Variants in THSD7A observed in about 807,000 individuals in gnomAD.
THSD7A encodes thrombospondin type-1 domain-containing protein 7A.
Under a neutral mutation model 231.3 loss-of-function variants are expected in THSD7A, and 96 were observed. That is an observed-to-expected ratio of 0.41 (90% CI 0.35 to 0.49). THSD7A has a LOEUF of 0.49. Among genes scored for constraint, THSD7A ranks in the 20% least tolerant of loss-of-function variants. The pLI is 0.05. For synonymous variants in THSD7A, 940 were observed against 743.3 expected (o/e 1.26, Z -4.30); for missense variants, 2,290 against 2,070.2 (o/e 1.11, Z -2.06).
chr7:11,371,789 T>C lies in THSD7A; in HGVS notation c.*4005A>G, dbSNP rs941118009. The C allele has an allele frequency of 7.2e-5, 11 of 151,870 alleles. No homozygotes were observed. The highest frequency in any genetic ancestry group is 2.7e-4 in the African/African-American group (11 of 41,326). 9.4% of individuals were successfully genotyped at this position (151,870 alleles called of 1,614,324 possible). The stretch of plus-strand genomic sequence containing the variant: ...TGCATGCCTTCCACATTTTTCCTTT[T>C]CCCTTTATTCATTTCTTTGACCAGT... On this transcript the variant is annotated 3_prime_UTR_variant, in exon 28 of 28. Transcript: ENST00000423059.
intron 1 of THSD7A, among the ~76,000 whole-genome samples, chr7:11,653,919 T>G: frequency 6.6e-6 from 1 of 151,960 alleles, no homozygotes; most frequent in Admixed American, 6.6e-5. Flanking sequence ...TCACTTGAAT[T>G]AATAGTTTAT....
chr7:11,480,547 G>A (rs1209768886), intron 7 of THSD7A, among the ~76,000 whole-genome samples: 3 of 152,058 alleles, frequency 2.0e-5, no homozygotes, highest in African/African-American at 4.8e-5. Flanking sequence ...TTTGTAAAAG[G>A]TTGTATTTTT....
At chr7:11,470,349 T>C (rs1035985598) in intron 8 of THSD7A, among the ~76,000 whole-genome samples, 9 of 152,062 alleles carry the variant, frequency 5.9e-5, no homozygotes, top group African/African-American at 2.2e-4. Context: ...AAATTATTAA[T>C]TTAAGGATCT....
intron 1 of THSD7A, among the ~76,000 whole-genome samples, chr7:11,651,261 G>A (rs906875593): frequency 6.6e-6 from 1 of 151,978 alleles, no homozygotes; most frequent in East Asian, 1.9e-4. Context: ...AGATAGAGTG[G>A]TGGTTATGAG....
At chr7:11,468,279 G>A (rs1785789674) in intron 9 of THSD7A, among the ~76,000 whole-genome samples, 1 of 150,968 alleles carries the variant, frequency 6.6e-6, no homozygotes. Flanking sequence ...CTTTTTAATT[G>A]AATTAATTAA....
At chr7:11,571,400 C>T (rs1028936642) in intron 4 of THSD7A, among the ~76,000 whole-genome samples, 1 of 152,210 alleles carries the variant, frequency 6.6e-6, no homozygotes, top group African/African-American at 2.4e-5. Context: ...AATTTCATCT[C>T]ATACTTCTTG....
intron 13 of THSD7A, among the ~76,000 whole-genome samples, chr7:11,445,576 AG>A (rs1175874090): frequency 6.6e-6 from 1 of 151,448 alleles, no homozygotes; most frequent in Non-Finnish European, 1.5e-5. Flanking sequence ...TAAACGTTTG[AG>A]TTTTCACCAG....
chr7:11,501,092 T>C (rs1350211510), intron 6 of THSD7A, among the ~76,000 whole-genome samples: 1 of 151,304 alleles, frequency 6.6e-6, no homozygotes, highest in African/African-American at 2.4e-5. Context: ...ATCCTAAATA[T>C]ATATGCACTC....
chr7:11,777,103 T>C (rs1783431839), intron 1 of THSD7A, among the ~76,000 whole-genome samples: 2 of 152,138 alleles, frequency 1.3e-5, no homozygotes. Flanking sequence ...TGACCAGAGA[T>C]AATGTGCGAG....
At position 11,474,554 on chromosome 7, in the gene THSD7A, G is replaced by C. The variant is rs770371413; in HGVS notation, c.2032C>G (p.Pro678Ala). Residue 678 changes from proline (P) to alanine (A), a missense_variant, in exon 8 of 28, where the codon CCA becomes GCA. By Grantham distance (27) the Pro-to-Ala change is conservative (BLOSUM62 -1). Coordinates refer to ENST00000423059, the MANE Select transcript of THSD7A (RefSeq NM_015204.3). This position sits in a 1 kb window ranked among gnomAD's most constrained non-coding sequence, Gnocchi z 4.1. ...YAGEEGGIRC[P>A]NSSALQEVRS... Reference sequence around the variant, plus strand: ...ACTTCTTGCAAAGCACTGCTATTTGGACAGCGAATTCCACCTAAAAACATG... The same window carrying C: ...ACTTCTTGCAAAGCACTGCTATTTGCACAGCGAATTCCACCTAAAAACATG... The C allele has an allele frequency of 4.4e-6, 7 of 1,591,362 alleles. No homozygotes were observed. The highest frequency in any genetic ancestry group is 1.7e-4 in the Middle Eastern group (1 of 6,018).
At position 11,424,793 on chromosome 7, in the gene THSD7A, G is replaced by A; in HGVS notation, c.3286C>T (p.Gln1096Ter). ...EVVPCHSDCNQYLWVTEPWSI... is the reference protein window; with the variant it reads ...EVVPCHSDCN ...CAGGGCTCTGTGACCCATAGGTACT[G>A]GTTGCAGTCACTGTGGCATGGGACA... is the stretch of plus-strand genomic sequence containing the variant. Residue 1096 changes from glutamine to a stop codon, truncating the protein, a stop_gained, in exon 16 of 28, where the codon CAG becomes TAG. Transcript: ENST00000423059. LOFTEE classifies it high-confidence loss of function. The A allele has an allele frequency of 1.9e-6, 3 of 1,613,970 alleles. No individual in the cohort carries two copies. Among genetic ancestry groups the A allele is most frequent in the Non-Finnish European group, 2.5e-6 (3 of 1,179,886 alleles).
intron 1 of THSD7A, among the ~76,000 whole-genome samples, chr7:11,783,519 A>G (rs1783696835): frequency 6.6e-6 from 1 of 152,176 alleles, no homozygotes; most frequent in Non-Finnish European, 1.5e-5. Flanking sequence ...AGGGAGTTGA[A>G]GTATAATTTT....
At position 11,370,546 on chromosome 7, in the gene THSD7A, G is replaced by A. The variant is rs571860735; in HGVS notation, c.*5248C>T. 4 of 152,182 alleles carry A rather than the reference G, an allele frequency of 2.6e-5. No individual in the cohort carries two copies. The East Asian group carries it at 5.8e-4, about 22-fold the overall frequency. 9.4% of individuals were successfully genotyped at this position (152,182 alleles called of 1,614,324 possible). ...TACATCTTCACATGCCATCTGTATT[G>A]ACTGAATAAAGCTTAGTGACATTAT... On this transcript the variant is annotated 3_prime_UTR_variant, in exon 28 of 28. Transcript: ENST00000423059.
In THSD7A at chr7:11,373,629, G is replaced by A. The variant is rs1184393761; in HGVS notation, c.*2165C>T. On this transcript the variant is annotated 3_prime_UTR_variant, in exon 28 of 28. Coordinates refer to ENST00000423059, the MANE Select transcript of THSD7A (RefSeq NM_015204.3). Reference sequence around the variant, plus strand: ...ATTGAATGAGGAATTAGCGCTTACTGCATTTAGTTCTTATTGAAATACATA... The same window carrying A: ...ATTGAATGAGGAATTAGCGCTTACTACATTTAGTTCTTATTGAAATACATA... 2 of 151,866 alleles carry A rather than the reference G, an allele frequency of 1.3e-5. No individual in the cohort carries two copies. The highest frequency in any genetic ancestry group is 2.9e-5 in the Non-Finnish European group (2 of 67,948). The allele number at this position is 151,866 out of a possible 1,614,324, so 9.4% of individuals were successfully genotyped here.
chr7:11,732,518 A>G (rs1303287016), intron 1 of THSD7A, among the ~76,000 whole-genome samples: 1 of 151,880 alleles, frequency 6.6e-6, no homozygotes, highest in African/African-American at 2.4e-5. Context: ...ATATTCCAGC[A>G]CGTTTTAGAA....
intron 6 of THSD7A, among the ~76,000 whole-genome samples, chr7:11,538,100 G>T (rs1788989170): frequency 6.6e-6 from 1 of 152,138 alleles, no homozygotes; most frequent in Admixed American, 6.5e-5. Flanking sequence ...TTAACAATCT[G>T]GGTCAAGGAG....
At chr7:11,655,526 T>TTCCTAATAAGACTC (rs1314157087) in intron 1 of THSD7A, among the ~76,000 whole-genome samples, 1 of 151,916 alleles carries the variant, frequency 6.6e-6, no homozygotes, top group Admixed American at 6.6e-5. Context: ...TTGTTCCTTC[T>TTCCTAATAAGACTC]TCCTAATAAG....
At chr7:11,684,476 T>C (rs1779960350) in intron 1 of THSD7A, among the ~76,000 whole-genome samples, 1 of 151,458 alleles carries the variant, frequency 6.6e-6, no homozygotes, top group Non-Finnish European at 1.5e-5. Context: ...GATTCTATAA[T>C]TAGAAAGCCC....
At chr7:11,746,470 T>G (rs1015498403) in intron 1 of THSD7A, among the ~76,000 whole-genome samples, 1 of 151,904 alleles carries the variant, frequency 6.6e-6, no homozygotes, top group Non-Finnish European at 1.5e-5. Context: ...ATCTAAAAAC[T>G]GTGACAGTTT....
Sources: gnomAD v4.1 joint callset for allele counts (sites outside exome capture counted in the v4.1 genomes callset) on GRCh38, gnomAD v4.1.1 for gene constraint, Gnocchi (gnomAD v3.1) non-coding constraint, MANE v1.5 for transcripts, NCBI Gene and HGNC (gene_info 2026-07-23, HGNC 2026-07-21) for gene names.